The following CACNA1I variants were observed in gnomAD, a reference collection of about 807,000 sequenced individuals.
CACNA1I encodes calcium voltage-gated channel subunit alpha1 I.
Under a neutral mutation model 201.6 loss-of-function variants are expected in CACNA1I, and 74 were observed. The ratio of observed to expected loss-of-function variants is 0.37; its 90% CI spans 0.30 to 0.45. The LOEUF (loss-of-function observed/expected upper bound fraction) is 0.45. Among genes scored for constraint, CACNA1I ranks in the 20% least tolerant of loss-of-function variants. CACNA1I has a pLI of 1.00. For missense variants in CACNA1I, 2,346 were observed against 3,138.1 expected (o/e 0.75, Z 6.03); for synonymous variants, 1,431 against 1,345.2 (o/e 1.06, Z -1.40).
At chr22:39,591,018 A>C (rs2413601) in intron 1 of CACNA1I, among the ~76,000 whole-genome samples, 2 of 147,006 alleles carry the variant, frequency 1.4e-5, no homozygotes, top group Admixed American at 6.8e-5. Flanking sequence ...TAATTAAAAA[A>C]TTTTTTTTTT....
intron 1 of CACNA1I, among the ~76,000 whole-genome samples, chr22:39,589,584 C>T (rs916697007): frequency 3.9e-5 from 6 of 152,208 alleles, no homozygotes; most frequent in Admixed American, 6.5e-5. Context: ...GGGCACCTTC[C>T]AGGAAGGAGC....
intron 5 of CACNA1I, among the ~76,000 whole-genome samples, chr22:39,638,837 C>T (rs1321264268): frequency 1.3e-5 from 2 of 152,184 alleles, no homozygotes; most frequent in South Asian, 2.1e-4. Flanking sequence ...TGTTCCACCT[C>T]AGATCATCAG....
chr22:39,668,988 T>C, intron 24 of CACNA1I, among the ~76,000 whole-genome samples: 1 of 151,750 alleles, frequency 6.6e-6, no homozygotes, highest in East Asian at 1.9e-4. Flanking sequence ...GGGAGGGGGA[T>C]TGGGTGGAGG....
chr22:39,619,472 C>A, intron 4 of CACNA1I, 65 bp downstream of exon 4: 1 of 1,260,636 alleles, frequency 7.9e-7, no homozygotes, highest in Non-Finnish European at 1.1e-6. Context: ...CCATCCCTGG[C>A]CTACCTAGCC....
At position 39,684,276 on chromosome 22, in the gene CACNA1I, A is replaced by G. The variant is rs748975457; in HGVS notation, c.5831-26A>G. On this transcript the variant is annotated intron_variant, in intron 35 of 36. Transcript: ENST00000402142. The surrounding 1 kb of genome is among the most constrained non-coding windows in gnomAD (Gnocchi z 4.6). The stretch of plus-strand genomic sequence containing the variant: ...CCCCCTGGCCTGAGCGTGCTCCCTC[A>G]GCTCTGTCTTCTCCTTTCCCAGCAG... The G allele has an allele frequency of 6.2e-7, 1 of 1,609,136 alleles. No individual in the cohort carries two copies. The highest frequency in any genetic ancestry group is 2.2e-5 in the East Asian group (1 of 44,768).
rs141832710 is a variant in CACNA1I, at chr22:39,615,383, G to A, written c.483-3927G>A. Among the ~76,000 whole-genome samples the A allele has an allele frequency of 3.1e-3, 471 of 152,308 alleles. 2 individuals carry two copies. Among genetic ancestry groups the A allele is most frequent in the South Asian group, 3.5e-3 (17 of 4,824 alleles). ...GGTCTGAGTTTAGGAGATTTCTGCT[G>A]ACTGAGGAAGGGCTGTAGGGGAGGA... On this transcript the variant is annotated intron_variant, in intron 3 of 36. Coordinates refer to ENST00000402142, the MANE Select transcript of CACNA1I (RefSeq NM_021096.4).
At chr22:39,619,211 C>T in intron 3 of CACNA1I, 99 bp from the exon 4 acceptor site, 1 of 879,384 alleles carries the variant, frequency 1.1e-6, no homozygotes, top group Non-Finnish European at 1.9e-6. Context: ...TTGCCCTGTC[C>T]AGGCAGTAGT....
chr22:39,597,550 G>A lies in CACNA1I; in HGVS notation c.237-601G>A, dbSNP rs138830784. Reference sequence around the variant, plus strand: ...ACTTTCTGCCTGTCCAGGACTGAGGGGCCCAGCCCCACCCCATGTGGTGCA... The same window carrying A: ...ACTTTCTGCCTGTCCAGGACTGAGGAGCCCAGCCCCACCCCATGTGGTGCA... On this transcript the variant is annotated intron_variant, in intron 1 of 36. Transcript: ENST00000402142. Among the ~76,000 whole-genome samples the A allele has an allele frequency of 4.7e-3, 710 of 152,362 alleles. 7 individuals are homozygous for A. Among genetic ancestry groups the A allele is most frequent in the Non-Finnish European group, 7.1e-3 (484 of 68,028 alleles).
In CACNA1I at chr22:39,684,754, G is replaced by A. The variant is rs1935808385; in HGVS notation, c.6027+256G>A. 1.7e-5 allele frequency: 10 copies of A among 598,558 alleles called. No homozygotes were observed. In the South Asian group the frequency reaches 1.8e-4, roughly 11 times the overall value. The allele number at this position is 598,558 out of a possible 1,614,324, so 37.1% of individuals were successfully genotyped here. A position where few individuals can be genotyped will look rare whatever the true frequency, so the allele number is the denominator to read the frequency against. ...AGGACCCCAAGGCGGGTCTGGAAGAGGCCTGTGATCCCTAGCTTGAGGGGA... is the reference window on the plus strand; with the variant it reads ...AGGACCCCAAGGCGGGTCTGGAAGAAGCCTGTGATCCCTAGCTTGAGGGGA... On this transcript the variant is annotated intron_variant, in intron 36 of 36. Coordinates refer to ENST00000402142, the MANE Select transcript of CACNA1I (RefSeq NM_021096.4). This position sits in a 1 kb window ranked among gnomAD's most constrained non-coding sequence, Gnocchi z 4.6.
intron 4 of CACNA1I, among the ~76,000 whole-genome samples, chr22:39,632,867 G>T (rs1409859456): frequency 6.6e-6 from 1 of 151,054 alleles, no homozygotes; most frequent in Non-Finnish European, 1.5e-5. Context: ...GGTGTAGGGT[G>T]GTGGGGAGCT....
At chr22:39,621,875 G>T (rs1000866556) in intron 4 of CACNA1I, among the ~76,000 whole-genome samples, 2 of 152,088 alleles carry the variant, frequency 1.3e-5, no homozygotes, top group Non-Finnish European at 2.9e-5. Flanking sequence ...CCATTTTAGG[G>T]CCAGCTTCTC....
intron 3 of CACNA1I, among the ~76,000 whole-genome samples, chr22:39,615,216 G>T (rs1933496513): frequency 6.6e-6 from 1 of 152,212 alleles, no homozygotes; most frequent in African/African-American, 2.4e-5. Flanking sequence ...GAGACGTGGT[G>T]CTTATGCCTG....
chr22:39,599,570 G>A (rs537705373), intron 2 of CACNA1I, among the ~76,000 whole-genome samples: 234 of 134,888 alleles, frequency 1.7e-3, no homozygotes, highest in African/African-American at 6.1e-3. Flanking sequence ...AGTGAGCCGA[G>A]ATCCCGCCAC....
chr22:39,666,318 G>A lies in CACNA1I; in HGVS notation c.4104+312G>A, dbSNP rs1203313913. 6.6e-6 allele frequency among the ~76,000 whole-genome samples: 1 copy of A among 151,928 alleles called. No homozygotes were observed. The highest frequency in any genetic ancestry group is 2.4e-5 in the African/African-American group (1 of 41,330). ...AGGAGTTTTAGAATCAAGCAGTCCTGGAGGTGAATCCAGCTCTGCCACCTT... is the reference window on the plus strand; with the variant it reads ...AGGAGTTTTAGAATCAAGCAGTCCTAGAGGTGAATCCAGCTCTGCCACCTT... On this transcript the variant is annotated intron_variant, in intron 23 of 36. Transcript: ENST00000402142. The surrounding 1 kb of genome is among the most constrained non-coding windows in gnomAD (Gnocchi z 4.1).
chr22:39,635,574 G>A (rs1350273008), intron 5 of CACNA1I, among the ~76,000 whole-genome samples: 1 of 152,202 alleles, frequency 6.6e-6, no homozygotes, highest in Non-Finnish European at 1.5e-5. Context: ...TCCACCCATC[G>A]CTGTGGGGGA....
rs1210064313 is a variant in CACNA1I, at chr22:39,672,308, G to A, written c.4649G>A (p.Arg1550Gln). The change falls in exon 27 of 37, where the codon CGA becomes CAA. Residue 1550 changes from arginine (R) to glutamine (Q), a missense_variant and splice_region_variant. Coordinates refer to ENST00000402142, the MANE Select transcript of CACNA1I (RefSeq NM_021096.4). ...AFGLRRFFKD[R>Q]WNQLDLAIVL... ...GGTCTGAGGCGCTTCTTCAAGGACC[G>A]GTGAGTGGCCAGGCTGGATTAGGGC... 19 of 1,598,206 alleles carry A rather than the reference G, an allele frequency of 1.2e-5. No individual in the cohort carries two copies. Among genetic ancestry groups the A allele is most frequent in the Non-Finnish European group, 1.5e-5 (18 of 1,166,212 alleles).
At chr22:39,597,664 G>A (rs35471482) in intron 1 of CACNA1I, among the ~76,000 whole-genome samples, 58,295 of 152,168 alleles carry the variant, frequency 0.38, 12,220 homozygotes, top group Non-Finnish European at 0.48. Context: ...AGGAGAGAAG[G>A]ACGGGGCCAT....
chr22:39,681,222 G>A (rs1935695190), intron 34 of CACNA1I, among the ~76,000 whole-genome samples, 170 bp downstream of exon 34: 1 of 152,226 alleles, frequency 6.6e-6, no homozygotes, highest in Non-Finnish European at 1.5e-5. Flanking sequence ...CAGAGAGGTG[G>A]AGTGATTTGC....
rs540223593 is a variant in CACNA1I at position 39,666,981 on chromosome 22, C to T, written c.4104+975C>T. ...ATGGGCCCCGCCCCAGTGCCAGCTC[C>T]GCCCCTTTGGAGCATTTCTGGGTCT... On this transcript the variant is annotated intron_variant, in intron 23 of 36. Coordinates refer to ENST00000402142, the MANE Select transcript of CACNA1I (RefSeq NM_021096.4). The surrounding 1 kb of genome is among the most constrained non-coding windows in gnomAD (Gnocchi z 4.1). Among the ~76,000 whole-genome samples the T allele has an allele frequency of 1.3e-5, 2 of 152,346 alleles. No individual in the cohort carries two copies. The highest frequency in any genetic ancestry group is 2.1e-4 in the South Asian group (1 of 4,832).
Sources: gnomAD v4.1 joint callset for allele counts (sites outside exome capture counted in the v4.1 genomes callset) on GRCh38, gnomAD v4.1.1 for gene constraint, Gnocchi (gnomAD v3.1) non-coding constraint, MANE v1.5 for transcripts, NCBI Gene and HGNC (gene_info 2026-07-23, HGNC 2026-07-21) for gene names.